The following ENTPD7 variants were observed in gnomAD, a reference collection of about 807,000 sequenced individuals.
ENTPD7 encodes the protein ectonucleoside triphosphate diphosphohydrolase 7, also known as NTPDase 7.
ENTPD7 carries 53 observed loss-of-function variants against 77.9 expected under a neutral mutation model. The ratio of observed to expected loss-of-function variants is 0.68; its 90% CI spans 0.55 to 0.85. ENTPD7 has a LOEUF of 0.85. Among genes scored for constraint, ENTPD7 ranks in the 40% least tolerant of loss-of-function variants. The probability of loss-of-function intolerance (pLI) is 0.00; values close to 1 mark genes in which losing one functional copy is unlikely to be tolerated. For synonymous variants in ENTPD7, 248 were observed against 274.9 expected, an observed-to-expected ratio of 0.90 and a Z score of 0.97; for missense variants, 636 against 743.7, an observed-to-expected ratio of 0.86 and a Z score of 1.68.
chr10:99,688,440 AGAT>A (rs2035840448), intron 6 of ENTPD7, among the ~76,000 whole-genome samples: 1 of 152,210 alleles, frequency 6.6e-6, no homozygotes, highest in African/African-American at 2.4e-5. Flanking sequence ...CGTGACATTC[AGAT>A]GATTTATACT....
At position 99,679,882 on chromosome 10, in the gene ENTPD7, T is replaced by C. The variant is rs1297433000; in HGVS notation, c.548+7T>C. On this transcript the variant is annotated splice_region_variant and intron_variant, in intron 5 of 12. Transcript: ENST00000370489. ...TGAGGCTTCTCCCTGAGAGGTGAGA[T>C]GCAGGGTACAGGAAACACAGGAAAA... 1 of 1,609,214 alleles carries C rather than the reference T, an allele frequency of 6.2e-7. No homozygotes were observed. The highest frequency in any genetic ancestry group is 8.5e-7 in the Non-Finnish European group (1 of 1,178,542).
At chr10:99,681,733 C>G (rs889481386) in intron 5 of ENTPD7, among the ~76,000 whole-genome samples, 2 of 152,140 alleles carry the variant, frequency 1.3e-5, no homozygotes, top group African/African-American at 4.8e-5. Context: ...GCCATCCTGA[C>G]AAGTGTGAGG....
chr10:99,704,609 C>A lies in ENTPD7; in HGVS notation c.1741C>A (p.Arg581=), dbSNP rs780786120. The change falls in exon 13 of 13, where the codon CGA becomes AGA. Residue 581 remains arginine, a synonymous_variant. Transcript: ENST00000370489. ...RLRRIHHRQT[R]ASAPLDLLWL... ...ACGCCGAATTCACCACCGACAAACA[C>A]GAGCCTCAGCTCCATTGGACTTGCT... is the stretch of plus-strand genomic sequence containing the variant. 6.8e-6 allele frequency: 11 copies of A among 1,614,056 alleles called. No homozygotes were observed. Among genetic ancestry groups the A allele is most frequent in the Middle Eastern group, 1.6e-4 (1 of 6,082 alleles).
chr10:99,705,303 A>T lies in ENTPD7; in HGVS notation c.*620A>T, dbSNP rs1164916799. ...GTAGTGTTGATGATGTTAGTACATG[A>T]TTTTAAAGGTTAGAACCCCTTCTAA... On this transcript the variant is annotated 3_prime_UTR_variant, in exon 13 of 13. Transcript: ENST00000370489. 3.9e-5 allele frequency: 6 copies of T among 154,066 alleles called. No homozygotes were observed. In the East Asian group the frequency reaches 1.2e-3, roughly 30 times the overall value. 9.5% of individuals were successfully genotyped at this position (154,066 alleles called of 1,614,324 possible).
chr10:99,678,207 G>A (rs1378635741), intron 3 of ENTPD7, among the ~76,000 whole-genome samples: 2 of 152,070 alleles, frequency 1.3e-5, no homozygotes, highest in Non-Finnish European at 2.9e-5. Context: ...GGTGGCTCAC[G>A]TCTGTAATCC....
rs1024519460 is a variant in ENTPD7 at position 99,661,519 on chromosome 10, C to T, written c.82C>T (p.Arg28Trp). ...VPTVSPFLRQ[R>W]VAFLGLFFIS... Reference sequence around the variant, plus strand: ...CACAGTGAGTCCATTTCTCCGTCAGCGGGTGGCATTCCTGGGACTCTTCTT... The same window carrying T: ...CACAGTGAGTCCATTTCTCCGTCAGTGGGTGGCATTCCTGGGACTCTTCTT... Residue 28 changes from arginine (R) to tryptophan (W), a missense_variant, in exon 3 of 13, where the codon CGG becomes TGG. Coordinates refer to ENST00000370489, the MANE Select transcript of ENTPD7 (RefSeq NM_020354.5). 6 of 1,613,844 alleles carry T rather than the reference C, an allele frequency of 3.7e-6. No individual in the cohort carries two copies. Among genetic ancestry groups the T allele is most frequent in the Non-Finnish European group, 5.1e-6 (6 of 1,179,890 alleles).
chr10:99,684,921 A>G (rs2035793801), intron 5 of ENTPD7, among the ~76,000 whole-genome samples: 1 of 152,126 alleles, frequency 6.6e-6, no homozygotes, highest in Admixed American at 6.6e-5. Flanking sequence ...GATTTTCACA[A>G]TGAAAAAAAA....
chr10:99,703,454 C>T (rs1337714140), intron 12 of ENTPD7, among the ~76,000 whole-genome samples: 2 of 152,192 alleles, frequency 1.3e-5, no homozygotes, highest in Admixed American at 1.3e-4. Flanking sequence ...TTTGCCAGTT[C>T]TCATCTGTCC....
In ENTPD7 at chr10:99,711,031, A is replaced by C; in HGVS notation, c.*6348A>C. ...TTGGAACATCAATCTGTAATTATCC[A>C]TTTTCCATTCATGCATTCACTAATT... On this transcript the variant is annotated 3_prime_UTR_variant, in exon 13 of 13. Transcript: ENST00000370489. 2 of 985,238 alleles carry C rather than the reference A, an allele frequency of 2.0e-6. No individual in the cohort carries two copies. Among genetic ancestry groups the C allele is most frequent in the Non-Finnish European group, 2.4e-6 (2 of 829,844 alleles). 61.0% of individuals were successfully genotyped at this position (985,238 alleles called of 1,614,324 possible).
In ENTPD7 at chr10:99,704,469, G is replaced by A. The variant is rs1237709425; in HGVS notation, c.1601G>A (p.Gly534Asp). The change falls in exon 13 of 13, where the codon GGT becomes GAT. Residue 534 changes from glycine to aspartate, a missense_variant. Physicochemically the swap from Gly to Asp is moderately conservative, Grantham distance 94. Transcript: ENST00000370489. ...FLPLRDLRQE[G>D]VRQAHGSWFR... Reference sequence around the variant, plus strand: ...TTCCCTAGGGATCTTCGGCAGGAAGGTGTCCGACAAGCCCATGGTAGCTGG... The same window carrying A: ...TTCCCTAGGGATCTTCGGCAGGAAGATGTCCGACAAGCCCATGGTAGCTGG... The A allele has an allele frequency of 1.2e-6, 2 of 1,614,074 alleles. No homozygotes were observed. Among genetic ancestry groups the A allele is most frequent in the East Asian group, 2.2e-5 (1 of 44,908 alleles).
chr10:99,684,053 A>AATTTATTT (rs1008185633), intron 5 of ENTPD7, among the ~76,000 whole-genome samples: 1 of 152,030 alleles, frequency 6.6e-6, no homozygotes, highest in Admixed American at 6.6e-5. Context: ...TTGTACTAGT[A>AATTTATTT]ATTTATTTAT....
rs766522075 is a variant in ENTPD7 at position 99,704,582 on chromosome 10, C to A, written c.1714C>A (p.Leu572Ile). ...LLAIFLYLLR[L>I]RRIHHRQTRA... The stretch of plus-strand genomic sequence containing the variant: ...GGCCATCTTCCTATACCTTCTGCGG[C>A]TACGCCGAATTCACCACCGACAAAC... The change falls in exon 13 of 13, where the codon CTA becomes ATA. Residue 572 changes from leucine to isoleucine, a missense_variant. Transcript: ENST00000370489. 1 of 1,614,216 alleles carries A rather than the reference C, an allele frequency of 6.2e-7. No homozygotes were observed. The highest frequency in any genetic ancestry group is 8.5e-7 in the Non-Finnish European group (1 of 1,180,044).
chr10:99,682,601 C>G (rs2035766866), intron 5 of ENTPD7, among the ~76,000 whole-genome samples: 1 of 152,160 alleles, frequency 6.6e-6, no homozygotes, highest in South Asian at 2.1e-4. Flanking sequence ...AACTTACAAC[C>G]CTGCTACCCT....
intron 11 of ENTPD7, among the ~76,000 whole-genome samples, chr10:99,702,048 C>CA (rs902674144): frequency 2.2e-4 from 32 of 146,506 alleles, no homozygotes; most frequent in African/African-American, 7.3e-4. Flanking sequence ...GACTCTGTCT[C>CA]AAAAAAAAAC....
chr10:99,674,532 A>G (rs2035656898), intron 3 of ENTPD7, among the ~76,000 whole-genome samples: 1 of 152,160 alleles, frequency 6.6e-6, no homozygotes, highest in Non-Finnish European at 1.5e-5. Context: ...GATACCTCAT[A>G]TAGGTGGAAT....
At chr10:99,667,443 T>G (rs911205752) in intron 3 of ENTPD7, among the ~76,000 whole-genome samples, 1 of 152,224 alleles carries the variant, frequency 6.6e-6, no homozygotes, top group African/African-American at 2.4e-5. Flanking sequence ...GATAATAGTT[T>G]AGGTACGGTT....
intron 8 of ENTPD7, 149 bp downstream of exon 8, chr10:99,691,667 C>G: frequency 1.3e-6 from 1 of 755,050 alleles, no homozygotes; most frequent in Non-Finnish European, 2.1e-6. Context: ...GGTTACCTCT[C>G]TGAGCCTCAG....
In ENTPD7 at chr10:99,706,218, G is replaced by C. The variant is rs1400286103; in HGVS notation, c.*1535G>C. The C allele has an allele frequency of 6.6e-6, 1 of 152,074 alleles. No individual in the cohort carries two copies. Among genetic ancestry groups the C allele is most frequent in the Admixed American group, 6.5e-5 (1 of 15,272 alleles). The allele number at this position is 152,074 out of a possible 1,614,324, so 9.4% of individuals were successfully genotyped here. Reference sequence around the variant, plus strand: ...GGAAAAAGAAATTAAGATCATCCTAGAAATAAACTAAGATAAAAATAAGTA... The same window carrying C: ...GGAAAAAGAAATTAAGATCATCCTACAAATAAACTAAGATAAAAATAAGTA... On this transcript the variant is annotated 3_prime_UTR_variant, in exon 13 of 13. Transcript: ENST00000370489.
Position 99,665,446 on chromosome 10 carries a change from C to A in ENTPD7, c.191+3818C>A, listed in dbSNP as rs745989942. On this transcript the variant is annotated intron_variant, in intron 3 of 12. Coordinates refer to ENST00000370489, the MANE Select transcript of ENTPD7 (RefSeq NM_020354.5). ...GGTCAGAATTGGGACACATGCCTAC[C>A]CTCCTTTTTATTTCTGGATTCTGTC... is the stretch of plus-strand genomic sequence containing the variant. 1.6e-4 allele frequency among the ~76,000 whole-genome samples: 25 copies of A among 152,036 alleles called. 1 individual carries two copies. Among genetic ancestry groups the A allele is most frequent in the Non-Finnish European group, 3.5e-4 (24 of 67,990 alleles).
Sources: allele counts gnomAD v4.1 joint callset (sites outside exome capture counted in the v4.1 genomes callset), GRCh38; gene constraint gnomAD v4.1.1; transcripts MANE v1.5; gene names NCBI Gene and HGNC (gene_info 2026-07-23, HGNC 2026-07-21).